The following RERE variants were observed in gnomAD, a reference collection of about 807,000 sequenced individuals.
RERE encodes the protein arginine-glutamic acid dipeptide repeats.
In RERE, 40 loss-of-function variants were observed where a neutral mutation model predicts 146.1. The ratio of observed to expected loss-of-function variants is 0.27; its 90% confidence interval spans 0.21 to 0.36. The LOEUF (loss-of-function observed/expected upper bound fraction) is 0.36. Among genes scored for constraint, RERE ranks in the 10% least tolerant of loss-of-function variants. The probability of loss-of-function intolerance (pLI) is 1.00; values close to 1 mark genes in which losing one functional copy is unlikely to be tolerated. For synonymous variants in RERE, 1,003 were observed against 866.0 expected (o/e 1.16, Z -2.78); for missense variants, 1,933 against 2,138.7 (o/e 0.90, Z 1.90).
chr1:8,649,502 G>A (rs1647495099), intron 2 of RERE, among the ~76,000 whole-genome samples: 1 of 152,028 alleles, frequency 6.6e-6, no homozygotes, highest in Admixed American at 6.6e-5. Flanking sequence ...GGCCGAGGTG[G>A]GCAGATCACT....
In RERE at chr1:8,808,702, C is replaced by T. The variant is rs575487182; in HGVS notation, c.-145+8458G>A. On this transcript the variant is annotated intron_variant, in intron 1 of 22. Transcript: ENST00000400908. ...CTGCAATAGCATAATAGTTAGTTAA[C>T]GGTAGACAAATACTACAGCTTGGTA... 3.3e-5 allele frequency among the ~76,000 whole-genome samples: 5 copies of T among 151,992 alleles called. No homozygotes were observed. The South Asian group carries it at 8.3e-4, about 25-fold the overall frequency.
chr1:8,571,255 T>G (rs1251932903), intron 4 of RERE, among the ~76,000 whole-genome samples: 1 of 152,242 alleles, frequency 6.6e-6, no homozygotes, highest in Non-Finnish European at 1.5e-5. Context: ...CAATGTTAAC[T>G]GAATCATATC....
chr1:8,458,440 T>G (rs144306087), intron 11 of RERE, among the ~76,000 whole-genome samples: 1 of 152,112 alleles, frequency 6.6e-6, no homozygotes, highest in African/African-American at 2.4e-5. Flanking sequence ...AAATATACCG[T>G]CAAAAGTACT....
chr1:8,646,709 C>G (rs1257876759), intron 2 of RERE, among the ~76,000 whole-genome samples: 1 of 152,120 alleles, frequency 6.6e-6, no homozygotes, highest in Non-Finnish European at 1.5e-5. Context: ...TGTAGATAGA[C>G]ACAGAGATAT....
chr1:8,393,679 G>A (rs752319044), intron 12 of RERE, among the ~76,000 whole-genome samples: 3 of 152,026 alleles, frequency 2.0e-5, no homozygotes, highest in South Asian at 4.1e-4. Context: ...AAAAGCATAG[G>A]TAAGATAAAA....
intron 11 of RERE, among the ~76,000 whole-genome samples, chr1:8,464,273 C>T (rs753136714): frequency 3.3e-5 from 5 of 152,172 alleles, no homozygotes; most frequent in Non-Finnish European, 5.9e-5. Flanking sequence ...ATCTCAGCTC[C>T]GCCTAGCTTT....
Position 8,559,356 on chromosome 1 carries a change from C to CT in RERE, c.523-1834dup, listed in dbSNP as rs796842387. 8.0e-4 allele frequency among the ~76,000 whole-genome samples: 114 copies of CT among 142,532 alleles called. 1 individual carries two copies. The highest frequency in any genetic ancestry group is 2.4e-3 in the African/African-American group (92 of 39,124). 93.5% of individuals were successfully genotyped at this position (142,532 alleles called of 152,430 possible). On this transcript the variant is annotated intron_variant, in intron 4 of 22. Transcript: ENST00000400908. ...AGTAAATAACATAAATACCAAGATT[C>CT]TTTTTTTGCATTTAACTGTGCCAAA...
chr1:8,806,145 C>T (rs1641688782), intron 1 of RERE, among the ~76,000 whole-genome samples: 1 of 152,104 alleles, frequency 6.6e-6, no homozygotes, highest in African/African-American at 2.4e-5. Flanking sequence ...AGCCACTGCA[C>T]CCGGCCAACA....
chr1:8,759,856 C>CACACACAT (rs1430778061), intron 1 of RERE, among the ~76,000 whole-genome samples: 2 of 151,796 alleles, frequency 1.3e-5, no homozygotes, highest in African/African-American at 4.8e-5. Context: ...CACACACACA[C>CACACACAT]ACACACACAC....
At chr1:8,807,753 TAC>T (rs1641717881) in intron 1 of RERE, among the ~76,000 whole-genome samples, 1 of 152,152 alleles carries the variant, frequency 6.6e-6, no homozygotes, top group African/African-American at 2.4e-5. Context: ...ATTTCACTCT[TAC>T]ACACTCTAAA....
intron 11 of RERE, among the ~76,000 whole-genome samples, chr1:8,430,887 T>A (rs1398360242): frequency 6.6e-6 from 1 of 152,190 alleles, no homozygotes; most frequent in Non-Finnish European, 1.5e-5. Flanking sequence ...CAAGTCCAGT[T>A]CTAACAACAA....
chr1:8,698,280 C>A (rs1464853141), intron 1 of RERE, among the ~76,000 whole-genome samples: 8 of 152,126 alleles, frequency 5.3e-5, no homozygotes, highest in Admixed American at 5.2e-4. Flanking sequence ...CTAAGAAATC[C>A]TGAAGAACAT....
intron 2 of RERE, among the ~76,000 whole-genome samples, chr1:8,652,765 C>T (rs887152632): frequency 1.3e-5 from 2 of 152,154 alleles, no homozygotes; most frequent in Non-Finnish European, 2.9e-5. Flanking sequence ...CACCTAGTCC[C>T]GACCTTGACA....
intron 1 of RERE, among the ~76,000 whole-genome samples, chr1:8,722,100 AT>A (rs1175634052): frequency 6.6e-6 from 1 of 152,190 alleles, no homozygotes; most frequent in Admixed American, 6.5e-5. Context: ...GAATGCTTAC[AT>A]TTATTCTACT....
intron 11 of RERE, among the ~76,000 whole-genome samples, chr1:8,458,106 G>T (rs939735330): frequency 2.6e-5 from 4 of 151,994 alleles, no homozygotes; most frequent in Non-Finnish European, 4.4e-5. Flanking sequence ...CTAAGCACAC[G>T]CATTAAAACT....
chr1:8,541,153 A>T, intron 7 of RERE, 61 bp downstream of exon 7: 1 of 917,024 alleles, frequency 1.1e-6, no homozygotes, highest in Non-Finnish European at 1.8e-6. Flanking sequence ...ACACATACAC[A>T]CACACACAAA....
At position 8,360,687 on chromosome 1, in the gene RERE, C is replaced by T. The variant is rs773269475; in HGVS notation, c.2820G>A (p.Pro940=). Residue 940 remains proline (P), a synonymous_variant, in exon 18 of 23, where the codon CCG becomes CCA. Transcript: ENST00000400908. The stretch of plus-strand genomic sequence containing the variant: ...GAGGGTGCTTGTGGGCCTGTGGCGC[C>T]GGCAGCTGGGGGATGGGAGTGGTAG... ...PPPTTPIPQL[P]APQAHKHPPH... 9.8e-6 allele frequency: 15 copies of T among 1,526,976 alleles called. No individual in the cohort carries two copies. In the African/African-American group the frequency reaches 1.4e-4, roughly 14 times the overall value. The allele number at this position is 1,526,976 out of a possible 1,614,324, so 94.6% of individuals were successfully genotyped here.
At chr1:8,398,983 G>C (rs1643155143) in intron 12 of RERE, among the ~76,000 whole-genome samples, 1 of 151,712 alleles carries the variant, frequency 6.6e-6, no homozygotes, top group Non-Finnish European at 1.5e-5. Flanking sequence ...ATTTTAATTT[G>C]CATTTCCCTG....
intron 8 of RERE, among the ~76,000 whole-genome samples, chr1:8,498,748 C>CACAT (rs1645085096): frequency 6.7e-6 from 1 of 148,922 alleles, no homozygotes; most frequent in Non-Finnish European, 1.5e-5. Context: ...CACACACACA[C>CACAT]ACACACACAC....
Sources: gnomAD v4.1 joint callset for allele counts (sites outside exome capture counted in the v4.1 genomes callset) on GRCh38, gnomAD v4.1.1 for gene constraint, MANE v1.5 for transcripts, NCBI Gene and HGNC (gene_info 2026-07-23, HGNC 2026-07-21) for gene names.